CACNA2D3: variants seen among roughly 807,000 people sequenced by gnomAD.
The protein encoded by CACNA2D3 is voltage-dependent calcium channel subunit alpha-2/delta-3.
CACNA2D3 carries 60 observed loss-of-function variants against 160.6 expected under a neutral mutation model. That is an observed-to-expected ratio of 0.37 (90% CI 0.30 to 0.46). The LOEUF is 0.46. Among genes scored for constraint, CACNA2D3 ranks in the 20% least tolerant of loss-of-function variants. The pLI is 1.00. For missense variants in CACNA2D3, 1,205 were observed against 1,365.0 expected (o/e 0.88, Z 1.85); for synonymous variants, 558 against 492.9 (o/e 1.13, Z -1.75).
chr3:54,420,406 A>G (rs922681732), intron 4 of CACNA2D3, among the ~76,000 whole-genome samples: 2 of 152,180 alleles, frequency 1.3e-5, no homozygotes, highest in South Asian at 2.1e-4. Context: ...TAAAGACAAC[A>G]TTACTGTCAG....
At chr3:54,150,284 T>C (rs1273803744) in intron 2 of CACNA2D3, among the ~76,000 whole-genome samples, 3 of 152,212 alleles carry the variant, frequency 2.0e-5, no homozygotes, top group Non-Finnish European at 1.5e-5. Flanking sequence ...GTTTCTACTT[T>C]AAATGTTAAA....
At chr3:54,716,908 CTTTTT>C (rs35289105) in intron 11 of CACNA2D3, among the ~76,000 whole-genome samples, 2 of 145,984 alleles carry the variant, frequency 1.4e-5, no homozygotes, top group Non-Finnish European at 3.0e-5. Flanking sequence ...TTGTGTGGCA[CTTTTT>C]TTTTTTTTTT....
intron 9 of CACNA2D3, among the ~76,000 whole-genome samples, chr3:54,597,444 T>C (rs919683241): frequency 6.6e-6 from 1 of 152,218 alleles, no homozygotes; most frequent in Non-Finnish European, 1.5e-5. Context: ...CCTGAAAGTC[T>C]CAGTGGGCAC....
intron 4 of CACNA2D3, among the ~76,000 whole-genome samples, chr3:54,432,238 C>T (rs9818236): frequency 0.82 from 125,014 of 152,186 alleles, 51,477 homozygotes; most frequent in Middle Eastern, 0.88. Flanking sequence ...TCTCAACATT[C>T]TGATCCTTCT....
rs935003135 is a variant in CACNA2D3, at chr3:54,984,323, C to T, written c.2557-285C>T. On this transcript the variant is annotated intron_variant, in intron 29 of 37. Coordinates refer to ENST00000474759, the MANE Select transcript of CACNA2D3 (RefSeq NM_018398.3). Reference sequence around the variant, plus strand: ...ATATAAAGAAAAAAAAAAAGGAAGACAAACTGTAATTCATCATTTTTTAAT... The same window carrying T: ...ATATAAAGAAAAAAAAAAAGGAAGATAAACTGTAATTCATCATTTTTTAAT... Among the ~76,000 whole-genome samples, 13 of 149,648 alleles carry T rather than the reference C, an allele frequency of 8.7e-5. 1 individual carries two copies. Among genetic ancestry groups the T allele is most frequent in the Admixed American group, 2.7e-4 (4 of 14,694 alleles).
intron 11 of CACNA2D3, among the ~76,000 whole-genome samples, chr3:54,725,680 G>A (rs954871608): frequency 6.6e-6 from 1 of 152,158 alleles, no homozygotes; most frequent in Non-Finnish European, 1.5e-5. Flanking sequence ...TATCTCAATA[G>A]ATGCAGAAAA....
intron 2 of CACNA2D3, among the ~76,000 whole-genome samples, chr3:54,125,375 A>G (rs1254302303): frequency 6.6e-6 from 1 of 152,160 alleles, no homozygotes; most frequent in Non-Finnish European, 1.5e-5. Flanking sequence ...CCTTTCTGAT[A>G]TTGAATTCAC....
At chr3:54,588,953 T>C (rs987147743) in intron 9 of CACNA2D3, among the ~76,000 whole-genome samples, 3 of 151,740 alleles carry the variant, frequency 2.0e-5, no homozygotes, top group Admixed American at 6.6e-5. Flanking sequence ...AATATGTATG[T>C]ATAATAATAC....
At chr3:54,165,972 T>C (rs531694228) in intron 2 of CACNA2D3, among the ~76,000 whole-genome samples, 1 of 152,226 alleles carries the variant, frequency 6.6e-6, no homozygotes, top group East Asian at 1.9e-4. Context: ...AAGTGTGCCA[T>C]CCAGAGAAAG....
At chr3:54,379,699 T>C (rs1306883382) in intron 3 of CACNA2D3, among the ~76,000 whole-genome samples, 1 of 152,222 alleles carries the variant, frequency 6.6e-6, no homozygotes, top group African/African-American at 2.4e-5. Context: ...TCCAAAACTT[T>C]GTGTGAAATG....
At chr3:54,986,186 C>T (rs529749300) in intron 30 of CACNA2D3, among the ~76,000 whole-genome samples, 2 of 152,196 alleles carry the variant, frequency 1.3e-5, no homozygotes, top group South Asian at 4.2e-4. Flanking sequence ...GGATGTCTTC[C>T]GGGGGTGAGT....
At chr3:54,498,716 G>A (rs1223311233) in intron 4 of CACNA2D3, among the ~76,000 whole-genome samples, 1 of 151,770 alleles carries the variant, frequency 6.6e-6, no homozygotes, top group Non-Finnish European at 1.5e-5. Flanking sequence ...GCTTTTAAAT[G>A]TGTAACTTCT....
chr3:54,417,965 G>C (rs1316446976), intron 4 of CACNA2D3, among the ~76,000 whole-genome samples: 1 of 152,094 alleles, frequency 6.6e-6, no homozygotes, highest in Non-Finnish European at 1.5e-5. Flanking sequence ...TTTTACATTT[G>C]TAATAGGAGA....
chr3:54,855,077 T>C (rs1203272421), intron 17 of CACNA2D3, among the ~76,000 whole-genome samples: 1 of 152,202 alleles, frequency 6.6e-6, no homozygotes, highest in African/African-American at 2.4e-5. Flanking sequence ...AGAGCCTCTG[T>C]CAGCCTCTCC....
intron 29 of CACNA2D3, among the ~76,000 whole-genome samples, chr3:54,973,135 A>C (rs958771906): frequency 6.6e-6 from 1 of 152,076 alleles, no homozygotes; most frequent in African/African-American, 2.4e-5. Flanking sequence ...ACAATTCCTG[A>C]AGCCTGAGAA....
At chr3:54,877,046 C>CT (rs1258646927) in intron 18 of CACNA2D3, 2 of 152,066 alleles carry the variant, frequency 1.3e-5, no homozygotes, top group Non-Finnish European at 2.9e-5. Flanking sequence ...CCTTTTCGGT[C>CT]TATGTAAACC....
intron 2 of CACNA2D3, among the ~76,000 whole-genome samples, chr3:54,281,398 G>A (rs756909830): frequency 1.3e-5 from 2 of 152,146 alleles, no homozygotes; most frequent in East Asian, 1.9e-4. Context: ...GTCAGACCAC[G>A]TGGGAGCTAG....
intron 4 of CACNA2D3, among the ~76,000 whole-genome samples, chr3:54,446,107 C>T (rs1030793690): frequency 7.2e-5 from 11 of 152,124 alleles, no homozygotes; most frequent in African/African-American, 2.4e-4. Flanking sequence ...AACATGTTTT[C>T]GGGGAGATGT....
chr3:54,466,887 C>A (rs531968679), intron 4 of CACNA2D3, among the ~76,000 whole-genome samples: 29 of 152,210 alleles, frequency 1.9e-4, no homozygotes, highest in African/African-American at 6.7e-4. Flanking sequence ...GTGGTGTTAT[C>A]TTTGGGTTGA....
Sources: gnomAD v4.1 joint callset for allele counts (sites outside exome capture counted in the v4.1 genomes callset) on GRCh38, gnomAD v4.1.1 for gene constraint, MANE v1.5 for transcripts, NCBI Gene and HGNC (gene_info 2026-07-23, HGNC 2026-07-21) for gene names.